The following PGM1 variants were observed in gnomAD, a reference collection of about 807,000 sequenced individuals.
PGM1 encodes the protein phosphoglucomutase-1.
PGM1 carries 52 observed loss-of-function variants against 55.6 expected under a neutral mutation model. That is an observed-to-expected ratio of 0.94 (90% CI 0.75 to 1.18). PGM1 has a LOEUF of 1.18. Among genes scored for constraint, PGM1 ranks in the 50% most tolerant of loss-of-function variants. PGM1 has a pLI of 0.00. For synonymous variants in PGM1, 287 were observed against 271.7 expected, an observed-to-expected ratio of 1.06 and a Z score of -0.55; for missense variants, 724 against 729.3, an observed-to-expected ratio of 0.99 and a Z score of 0.08.
chr1:63,631,864 A>G, intron 4 of PGM1, 82 bp downstream of exon 4: 1 of 1,332,744 alleles, frequency 7.5e-7, no homozygotes, highest in Non-Finnish European at 1.1e-6. Flanking sequence ...TGCTTCAACA[A>G]GCCTTTTCTC....
At chr1:63,632,438 A>G (rs1352309476) in intron 4 of PGM1, among the ~76,000 whole-genome samples, 1 of 152,148 alleles carries the variant, frequency 6.6e-6, no homozygotes, top group Non-Finnish European at 1.5e-5. Context: ...TAGTGATGCA[A>G]TTCGGGGATT....
intron 10 of PGM1, among the ~76,000 whole-genome samples, chr1:63,659,093 G>T (rs1650042604): frequency 6.6e-6 from 1 of 152,132 alleles, no homozygotes; most frequent in Non-Finnish European, 1.5e-5. Flanking sequence ...GGGAATTATG[G>T]GAGCTACAAG....
intron 4 of PGM1, 95 bp downstream of exon 4, chr1:63,631,877 G>C (rs557315839): frequency 8.3e-7 from 1 of 1,201,250 alleles, no homozygotes; most frequent in African/African-American, 1.5e-5. Context: ...CTTTTCTCAA[G>C]TCTCTCTGAT....
chr1:63,609,872 C>A (rs1369717029), intron 1 of PGM1, among the ~76,000 whole-genome samples: 3 of 152,068 alleles, frequency 2.0e-5, no homozygotes. Context: ...TAGGCTAGGC[C>A]AGGCCATGAT....
Position 63,629,525 on chromosome 1 carries a change from C to T in PGM1, c.347C>T (p.Ala116Val). Residue 116 changes from alanine to valine, a missense_variant, in exon 2 of 11, where the codon GCC (alanine) becomes GTC (valine). This residue lies in a region of PGM1 where 379 missense variants were observed against 357.5 expected (regional missense o/e 1.06). Transcript: ENST00000371084. Reference sequence around the variant, plus strand: ...GCCATTGGTGGGATCATTCTGACAGCCAGTCACAACCCAGGGGGCCCCAAT... The same window carrying T: ...GCCATTGGTGGGATCATTCTGACAGTCAGTCACAACCCAGGGGGCCCCAAT... ...IKAIGGIILT[A>V]SHNPGGPNGD... The T allele has an allele frequency of 6.2e-7, 1 of 1,613,660 alleles. No homozygotes were observed. Among genetic ancestry groups the T allele is most frequent in the Non-Finnish European group, 8.5e-7 (1 of 1,179,670 alleles).
At chr1:63,652,978 G>C (rs1365686883) in intron 9 of PGM1, among the ~76,000 whole-genome samples, 1 of 152,168 alleles carries the variant, frequency 6.6e-6, no homozygotes, top group African/African-American at 2.4e-5. Context: ...TGGAGCTGAG[G>C]GATGGCAGAG....
intron 3 of PGM1, among the ~76,000 whole-genome samples, chr1:63,631,258 C>T (rs1003880926): frequency 1.3e-5 from 2 of 152,168 alleles, no homozygotes; most frequent in African/African-American, 2.4e-5. Flanking sequence ...GTGGGGATTA[C>T]ATTTTCTACT....
intron 1 of PGM1, among the ~76,000 whole-genome samples, chr1:63,613,682 TG>T (rs1196631366): frequency 6.7e-6 from 1 of 149,922 alleles, no homozygotes; most frequent in Non-Finnish European, 1.5e-5. Flanking sequence ...CCCAGGTTCC[TG>T]GGTTAAGACT....
chr1:63,601,738 G>T (rs576619838), intron 1 of PGM1, among the ~76,000 whole-genome samples: 11 of 152,340 alleles, frequency 7.2e-5, no homozygotes, highest in African/African-American at 2.6e-4. Flanking sequence ...GCTGTGCTTA[G>T]TGTTGGGATA....
intron 1 of PGM1, among the ~76,000 whole-genome samples, chr1:63,619,059 C>G (rs1251497775): frequency 1.3e-5 from 2 of 152,134 alleles, no homozygotes; most frequent in Non-Finnish European, 2.9e-5. Context: ...TGTTCTTGCC[C>G]CACAGCTCAT....
chr1:63,629,851 T>G, intron 2 of PGM1, 91 bp from the exon 3 acceptor site: 1 of 1,386,564 alleles, frequency 7.2e-7, no homozygotes, highest in Non-Finnish European at 1.0e-6. Context: ...ATGGTAGATG[T>G]GCTAGTGAAG....
chr1:63,638,100 G>A (rs937735858), intron 6 of PGM1, among the ~76,000 whole-genome samples: 1 of 152,194 alleles, frequency 6.6e-6, no homozygotes, highest in Non-Finnish European at 1.5e-5. Flanking sequence ...CCACTAATCA[G>A]TGTGGGTGAA....
At chr1:63,601,105 G>T (rs972855989) in intron 1 of PGM1, among the ~76,000 whole-genome samples, 1 of 152,146 alleles carries the variant, frequency 6.6e-6, no homozygotes, top group Non-Finnish European at 1.5e-5. Context: ...AGACTTGGGG[G>T]CCTATACATC....
intron 1 of PGM1, among the ~76,000 whole-genome samples, chr1:63,605,740 T>A (rs1648400739): frequency 6.6e-6 from 1 of 151,890 alleles, no homozygotes; most frequent in Admixed American, 6.6e-5. Flanking sequence ...CCTGGCTAAT[T>A]TTTTGTATTT....
At position 63,659,909 on chromosome 1, in the gene PGM1, C is replaced by T; in HGVS notation, c.*234C>T. 1 of 608,706 alleles carries T rather than the reference C, an allele frequency of 1.6e-6. No homozygotes were observed. The highest frequency in any genetic ancestry group is 3.0e-6 in the Non-Finnish European group (1 of 336,176). The allele number at this position is 608,706 out of a possible 1,614,324, so 37.7% of individuals were successfully genotyped here. ...CAATCTCAATTCCTTTTCATGCCCT[C>T]CTGCATTGCTGCTGCGTGGGTATTT... On this transcript the variant is annotated 3_prime_UTR_variant, in exon 11 of 11. Coordinates refer to ENST00000371084, the MANE Select transcript of PGM1 (RefSeq NM_002633.3).
chr1:63,621,015 T>C (rs979185176), intron 1 of PGM1, among the ~76,000 whole-genome samples: 2 of 152,170 alleles, frequency 1.3e-5, no homozygotes, highest in Non-Finnish European at 2.9e-5. Flanking sequence ...TTTTAATGTC[T>C]CTTCTTTTTT....
chr1:63,604,002 G>A (rs937922660), intron 1 of PGM1, among the ~76,000 whole-genome samples: 11 of 152,156 alleles, frequency 7.2e-5, no homozygotes, highest in Non-Finnish European at 1.3e-4. Context: ...GCACATATGA[G>A]AATCATCTCA....
chr1:63,634,681 A>C, intron 4 of PGM1, 148 bp from the exon 5 acceptor site: 5 of 698,746 alleles, frequency 7.2e-6, no homozygotes, highest in East Asian at 2.7e-5. Flanking sequence ...GTATCTCTCC[A>C]CTAGTCCCTG....
At chr1:63,649,695 C>T (rs777499072) in intron 8 of PGM1, among the ~76,000 whole-genome samples, 18 of 152,114 alleles carry the variant, frequency 1.2e-4, no homozygotes, top group African/African-American at 1.9e-4. Flanking sequence ...TAACTTTGGA[C>T]GGATTCATTG....
Sources: allele counts gnomAD v4.1 joint callset (sites outside exome capture counted in the v4.1 genomes callset), GRCh38; gene constraint gnomAD v4.1.1; regional missense constraint gnomAD v4.1.1; transcripts MANE v1.5; gene names NCBI Gene and HGNC (gene_info 2026-07-23, HGNC 2026-07-21).